BTN2A1: variants seen among roughly 807,000 people sequenced by gnomAD.
BTN2A1 encodes butyrophilin subfamily 2 member A1, also known as butyrophilin, subfamily 2, member A1.
BTN2A1 carries 41 observed loss-of-function variants against 34.5 expected under a neutral mutation model. The ratio of observed to expected loss-of-function variants is 1.19; its 90% CI spans 0.93 to 1.54. The LOEUF is 1.54. Among genes scored for constraint, BTN2A1 ranks in the 40% most tolerant of loss-of-function variants. The pLI, the probability that BTN2A1 is intolerant of heterozygous loss-of-function variation, is 0.00. For synonymous variants in BTN2A1, 267 were observed against 258.6 expected, an observed-to-expected ratio of 1.03 and a Z score of -0.31; for missense variants, 642 against 662.0, an observed-to-expected ratio of 0.97 and a Z score of 0.33.
At chr6:26,462,364 T>G (rs1243604237) in intron 3 of BTN2A1, among the ~76,000 whole-genome samples, 1 of 151,910 alleles carries the variant, frequency 6.6e-6, no homozygotes, top group Non-Finnish European at 1.5e-5. Context: ...GTTCTCCAAG[T>G]ACTATAAGAA....
chr6:26,476,183 C>T, exon 8 of BTN2A1: 1 of 1,535,862 alleles, frequency 6.5e-7, no homozygotes, highest in Non-Finnish European at 8.7e-7. Flanking sequence ...GTGCTGATGG[C>T]AGCCTGGTTT....
At chr6:26,465,095 C>A in intron 4 of BTN2A1, 90 bp from the exon 5 acceptor site, 1 of 1,064,802 alleles carries the variant, frequency 9.4e-7, no homozygotes, top group South Asian at 1.4e-5. Flanking sequence ...GAGCAGGTGG[C>A]TGAGGAGCTC....
chr6:26,458,876 C>G (rs1220148651), intron 2 of BTN2A1, among the ~76,000 whole-genome samples, 158 bp downstream of exon 2: 6 of 152,100 alleles, frequency 3.9e-5, no homozygotes, highest in Non-Finnish European at 8.8e-5. Flanking sequence ...AAAAGGAATA[C>G]AGTGAGGCAC....
intron 7 of BTN2A1, among the ~76,000 whole-genome samples, chr6:26,466,347 TG>T (rs1230051193): frequency 2.0e-5 from 3 of 152,194 alleles, no homozygotes; most frequent in African/African-American, 4.8e-5. Flanking sequence ...TTACCAGAGG[TG>T]TCCCATATAT....
At position 26,465,192 on chromosome 6, in the gene BTN2A1, T is replaced by A. The variant is rs772132017; in HGVS notation, c.720T>A (p.Phe240Leu). The change falls in exon 5 of 8, where the codon TTT (phenylalanine) becomes TTA (leucine). Residue 240 changes from phenylalanine (F) to leucine (L), a missense_variant. Transcript: ENST00000312541. ...TTCTGGCTGCCTTTTCAGAATCCTTTATGCCCAGTGTGTCTCCCTGTGCAG... is the reference window on the plus strand; with the variant it reads ...TTCTGGCTGCCTTTTCAGAATCCTTAATGCCCAGTGTGTCTCCCTGTGCAG... Reference protein sequence around the residue: ...KESVIFIPESFMPSVSPCAVA... With the variant: ...KESVIFIPESLMPSVSPCAVA... 1 of 1,613,924 alleles carries A rather than the reference T, an allele frequency of 6.2e-7. No homozygotes were observed. The highest frequency in any genetic ancestry group is 8.5e-7 in the Non-Finnish European group (1 of 1,179,762).
Position 26,462,552 on chromosome 6 carries a change from C to T in BTN2A1, c.431-692C>T, listed in dbSNP as rs377205871. 8.5e-5 allele frequency among the ~76,000 whole-genome samples: 13 copies of T among 152,272 alleles called. No individual in the cohort carries two copies. The East Asian group carries it at 2.5e-3, about 29-fold the overall frequency. On this transcript the variant is annotated intron_variant, in intron 3 of 7. Coordinates refer to ENST00000312541, the MANE Select transcript of BTN2A1 (RefSeq NM_007049.5). ...CAGAGCTAAAACCCTGTCCCTAAAACAACAAAAGCAATACTGCCTAATGGA... is the reference window on the plus strand; with the variant it reads ...CAGAGCTAAAACCCTGTCCCTAAAATAACAAAAGCAATACTGCCTAATGGA...
Position 26,467,954 on chromosome 6 carries a change from T to G in BTN2A1, c.989T>G (p.Val330Gly). 6.2e-7 allele frequency: 1 copy of G among 1,611,326 alleles called. No homozygotes were observed. The highest frequency in any genetic ancestry group is 8.5e-7 in the Non-Finnish European group (1 of 1,177,854). ...WRRTFLHAVD[V>G]VLDPDTAHPD... ...CCTGAGACTTCCTCTGCAGTTGATG[T>G]GGTCCTGGATCCAGACACCGCTCAT... The change falls in exon 8 of 8, where the codon GTG becomes GGG. Residue 330 changes from valine (V) to glycine (G), a missense_variant. Transcript: ENST00000312541.
chr6:26,460,858 C>T (rs368796422), intron 3 of BTN2A1, among the ~76,000 whole-genome samples: 13 of 151,990 alleles, frequency 8.6e-5, no homozygotes, highest in East Asian at 5.8e-4. Flanking sequence ...TGCAGGGAGC[C>T]GAGATCTTAC....
rs1343024759 is a variant in BTN2A1 at position 26,468,254 on chromosome 6, A to T, written c.1289A>T (p.Gln430Leu). ...GFWTLEMHKG[Q>L]YRAVSSPDRI... Reference sequence around the variant, plus strand: ...TGGACCTTGGAGATGCATAAAGGGCAATACCGGGCCGTGTCCTCCCCTGAT... The same window carrying T: ...TGGACCTTGGAGATGCATAAAGGGCTATACCGGGCCGTGTCCTCCCCTGAT... Residue 430 changes from glutamine (Q) to leucine (L), a missense_variant, in exon 8 of 8, where the codon CAA (glutamine) becomes CTA (leucine). Gln to Leu is a moderately radical substitution (Grantham distance 113, BLOSUM62 -2). Transcript: ENST00000312541. 1 of 1,613,218 alleles carries T rather than the reference A, an allele frequency of 6.2e-7. No homozygotes were observed. Among genetic ancestry groups the T allele is most frequent in the African/African-American group, 1.3e-5 (1 of 74,918 alleles).
At chr6:26,465,524 C>T (rs758556819) in intron 5 of BTN2A1, 118 bp downstream of exon 5, 34 of 922,554 alleles carry the variant, frequency 3.7e-5, no homozygotes, top group Non-Finnish European at 5.4e-5. Flanking sequence ...AAGTGAGACC[C>T]TGTTTAATTA....
rs1354077740 is a variant in BTN2A1 at position 26,463,417 on chromosome 6, A to G, written c.604A>G (p.Met202Val). ...CATGCCTGATGCAGACGGCCTCTTC[A>G]TGGTCACCACGGCTGTGATCATCAG... ...VSMPDADGLFMVTTAVIIRDK... is the reference protein window; with the variant it reads ...VSMPDADGLFVVTTAVIIRDK... Residue 202 changes from methionine to valine, a missense_variant, in exon 4 of 8, where the codon ATG becomes GTG. Met to Val is a conservative substitution (Grantham distance 21, BLOSUM62 1). Coordinates refer to ENST00000312541, the MANE Select transcript of BTN2A1 (RefSeq NM_007049.5). 2 of 1,614,140 alleles carry G rather than the reference A, an allele frequency of 1.2e-6. No homozygotes were observed. The highest frequency in any genetic ancestry group is 2.2e-5 in the East Asian group (1 of 44,866).
chr6:26,458,907 A>G (rs564551118), intron 2 of BTN2A1, among the ~76,000 whole-genome samples, 189 bp downstream of exon 2: 48 of 152,344 alleles, frequency 3.2e-4, no homozygotes, highest in Middle Eastern at 3.4e-3. Context: ...TGCATGTACA[A>G]TTGCAAATTT....
exon 8 of BTN2A1, chr6:26,476,413 T>C: frequency 1.4e-6 from 1 of 704,758 alleles, no homozygotes; most frequent in Non-Finnish European, 2.7e-6. Flanking sequence ...CCCAGATGTC[T>C]GCTCACCCTC....
intron 4 of BTN2A1, 70 bp from the exon 5 acceptor site, chr6:26,465,115 G>T: frequency 7.5e-7 from 1 of 1,338,104 alleles, no homozygotes; most frequent in Non-Finnish European, 1.1e-6. Context: ...CTTCAAGTGT[G>T]CTCCTAGGGG....
intron 3 of BTN2A1, among the ~76,000 whole-genome samples, chr6:26,461,032 G>C (rs1281133848): frequency 6.6e-6 from 1 of 152,180 alleles, no homozygotes; most frequent in African/African-American, 2.4e-5. Context: ...CTAGGGAATT[G>C]GGTCTTTCCC....
rs1211344518 is a variant in BTN2A1, at chr6:26,463,524, A to C, written c.711A>C (p.Pro237=). The C allele has an allele frequency of 6.2e-7, 1 of 1,612,942 alleles. No individual in the cohort carries two copies. Among genetic ancestry groups the C allele is most frequent in the Non-Finnish European group, 8.5e-7 (1 of 1,179,148 alleles). The part of the protein sequence containing the change: ...GQKKESVIFI[P]ESFMPSVSPC... ...AGAAAGAAAGTGTCATTTTTATTCC[A>C]GGTTAGTTCTCTGCCCTCTGAGACT... is the stretch of plus-strand genomic sequence containing the variant. Residue 237 remains proline (P), a splice_region_variant and synonymous_variant, in exon 4 of 8, where the codon CCA becomes CCC. Transcript: ENST00000312541.
chr6:26,476,255 A>C, exon 8 of BTN2A1: 1 of 1,362,696 alleles, frequency 7.3e-7, no homozygotes, highest in Non-Finnish European at 1.0e-6. Context: ...GAGCACTCCA[A>C]GTTGGAAAGA....
chr6:26,462,006 G>T (rs892596643), intron 3 of BTN2A1, among the ~76,000 whole-genome samples: 1 of 123,820 alleles, frequency 8.1e-6, no homozygotes, highest in Non-Finnish European at 1.7e-5. Flanking sequence ...AGGCGATAGA[G>T]TGAGACTGTG....
At position 26,463,258 on chromosome 6, in the gene BTN2A1, C is replaced by T. The variant is rs150220790; in HGVS notation, c.445C>T (p.Pro149Ser). 3 of 1,606,078 alleles carry T rather than the reference C, an allele frequency of 1.9e-6. No individual in the cohort carries two copies. The highest frequency in any genetic ancestry group is 2.2e-5 in the South Asian group (2 of 90,440). Residue 149 changes from proline (P) to serine (S), a missense_variant, in exon 4 of 8, where the codon CCC (proline) becomes TCC (serine). Transcript: ENST00000312541. ...HLVVAGLGSK[P>S]LISMRGHEDG... The stretch of plus-strand genomic sequence containing the variant: ...TCTCTCCACAGGACTAGGCTCTAAG[C>T]CCCTCATTTCAATGAGGGGCCATGA...
Sources: gnomAD v4.1 joint callset for allele counts (sites outside exome capture counted in the v4.1 genomes callset) on GRCh38, gnomAD v4.1.1 for gene constraint, MANE v1.5 for transcripts, NCBI Gene and HGNC (gene_info 2026-07-23, HGNC 2026-07-21) for gene names.